Variants in PARP2 observed in about 807,000 individuals in gnomAD.
The protein encoded by PARP2 is poly [ADP-ribose] polymerase 2.
Under a neutral mutation model 77.8 loss-of-function variants are expected in PARP2, and 57 were observed. The ratio of observed to expected loss-of-function variants is 0.73; its 90% CI spans 0.59 to 0.91. The LOEUF (loss-of-function observed/expected upper bound fraction) is 0.91. Ranked by LOEUF, PARP2 falls within the 40% of genes least tolerant of loss-of-function variation. The pLI, the probability that PARP2 is intolerant of heterozygous loss-of-function variation, is 0.00. For synonymous variants in PARP2, 226 were observed against 242.6 expected, an observed-to-expected ratio of 0.93 and a Z score of 0.64; for missense variants, 651 against 689.0, an observed-to-expected ratio of 0.94 and a Z score of 0.62.
chr14:20,356,640 G>A lies in PARP2; in HGVS notation c.1280G>A (p.Ser427Asn), dbSNP rs749968626. Residue 427 changes from serine to asparagine, a missense_variant, in exon 13 of 16, where the codon AGC (serine) becomes AAC (asparagine). Transcript: ENST00000429687. ...ATGAGTAACTGGGTGGGAATCTTGAGCCATGGGCTTCGAATTGCCCCACCT... is the reference window on the plus strand; with the variant it reads ...ATGAGTAACTGGGTGGGAATCTTGAACCATGGGCTTCGAATTGCCCCACCT... ...SRMSNWVGIL[S>N]HGLRIAPPEA... 1 of 1,614,152 alleles carries A rather than the reference G, an allele frequency of 6.2e-7. No homozygotes were observed. The highest frequency in any genetic ancestry group is 1.1e-5 in the South Asian group (1 of 91,086).
rs772828098 is a variant in PARP2 at position 20,357,859 on chromosome 14, T to C, written c.*62T>C. 14 of 1,433,316 alleles carry C rather than the reference T, an allele frequency of 9.8e-6. No homozygotes were observed. The highest frequency in any genetic ancestry group is 1.4e-5 in the Non-Finnish European group (14 of 1,036,884). The allele number at this position is 1,433,316 out of a possible 1,614,324, so 88.8% of individuals were successfully genotyped here. ...AGCAAGAAAATAAGCAGTGTTGTAC[T>C]TGTGAATTTTGTGATATTTTATGTA... is the stretch of plus-strand genomic sequence containing the variant. On this transcript the variant is annotated 3_prime_UTR_variant, in exon 16 of 16. Coordinates refer to ENST00000429687, the MANE Select transcript of PARP2 (RefSeq NM_001042618.2).
At chr14:20,346,013 A>G (rs931486175) in intron 3 of PARP2, among the ~76,000 whole-genome samples, 9 of 152,218 alleles carry the variant, frequency 5.9e-5, no homozygotes, top group Admixed American at 2.0e-4. Context: ...TAAACCATTC[A>G]TGAGAAATCC....
Position 20,355,794 on chromosome 14 carries a change from A to G in PARP2, c.945A>G (p.Ser315=), listed in dbSNP as rs763913279. ...PPLIRTQKEL[S]EKIQLLEALG... is the part of the protein sequence containing the mutation. ...TAATCCGGACACAGAAGGAACTGTC[A>G]GAAAAAATACAATTACTAGAGGTGA... Residue 315 remains serine, a synonymous_variant, in exon 10 of 16, where the codon TCA becomes TCG. Transcript: ENST00000429687. The G allele has an allele frequency of 1.2e-6, 2 of 1,613,930 alleles. No individual in the cohort carries two copies. The highest frequency in any genetic ancestry group is 1.7e-6 in the Non-Finnish European group (2 of 1,179,762).
At chr14:20,351,844 G>A (rs374378458) in intron 6 of PARP2, among the ~76,000 whole-genome samples, 12 of 150,324 alleles carry the variant, frequency 8.0e-5, no homozygotes, top group Admixed American at 2.0e-4. Flanking sequence ...CGAGACCCCT[G>A]ACTCTCCCCC....
At chr14:20,351,531 G>A (rs886479180) in intron 6 of PARP2, among the ~76,000 whole-genome samples, 4 of 152,266 alleles carry the variant, frequency 2.6e-5, no homozygotes, top group Admixed American at 2.6e-4. Flanking sequence ...CGTTTTATAG[G>A]TGTGATTTGG....
intron 3 of PARP2, among the ~76,000 whole-genome samples, chr14:20,346,022 C>G (rs1883706777): frequency 6.6e-6 from 1 of 152,166 alleles, no homozygotes; most frequent in African/African-American, 2.4e-5. Flanking sequence ...CATGAGAAAT[C>G]CACTTCCATG....
chr14:20,347,356 G>GTATATATATATA (rs774986716), intron 4 of PARP2, among the ~76,000 whole-genome samples: 7 of 29,568 alleles, frequency 2.4e-4, no homozygotes, highest in Admixed American at 6.5e-4. Flanking sequence ...ATGTGTGTGT[G>GTATATATATATA]TATATATATA....
Position 20,355,990 on chromosome 14 carries a change from T to G in PARP2, c.1060T>G (p.Cys354Gly). ...PLDQHYRNLHCALRPLDHESY... is the reference protein window; with the variant it reads ...PLDQHYRNLHGALRPLDHESY... Reference sequence around the variant, plus strand: ...GGACCAACACTATAGAAACCTACATTGTGCCTTGCGCCCCCTTGACCATGA... The same window carrying G: ...GGACCAACACTATAGAAACCTACATGGTGCCTTGCGCCCCCTTGACCATGA... Residue 354 changes from cysteine (C) to glycine (G), a missense_variant, in exon 11 of 16, where the codon TGT (cysteine) becomes GGT (glycine). Coordinates refer to ENST00000429687, the MANE Select transcript of PARP2 (RefSeq NM_001042618.2). The G allele has an allele frequency of 6.2e-7, 1 of 1,614,120 alleles. No homozygotes were observed. The highest frequency in any genetic ancestry group is 8.5e-7 in the Non-Finnish European group (1 of 1,179,972).
At chr14:20,357,342 G>A (rs1884195065) in intron 14 of PARP2, 54 bp from the exon 15 acceptor site, 1 of 1,564,420 alleles carries the variant, frequency 6.4e-7, no homozygotes, top group South Asian at 1.2e-5. Context: ...TTTGGCTTTG[G>A]AGCCATCTAA....
intron 7 of PARP2, among the ~76,000 whole-genome samples, chr14:20,353,482 A>G (rs1884034250): frequency 6.6e-6 from 1 of 151,924 alleles, no homozygotes; most frequent in South Asian, 2.1e-4. Flanking sequence ...TGACATCATG[A>G]TCCGCCCGTC....
chr14:20,354,676 A>G (rs746153204), intron 8 of PARP2, 133 bp from the exon 9 acceptor site: 1 of 851,324 alleles, frequency 1.2e-6, no homozygotes, highest in South Asian at 1.7e-5. Flanking sequence ...CCTGGGCAAC[A>G]GGAGTGAGAC....
chr14:20,352,557 TC>T, intron 7 of PARP2: 1 of 345,026 alleles, frequency 2.9e-6, no homozygotes, highest in Non-Finnish European at 5.0e-6. Flanking sequence ...TGATTTTTTT[TC>T]TTTTTTTTTT....
At chr14:20,356,246 C>T in intron 11 of PARP2, 61 bp from the exon 12 acceptor site, 1 of 1,579,318 alleles carries the variant, frequency 6.3e-7, no homozygotes, top group Admixed American at 1.8e-5. Context: ...TCCCCAAATT[C>T]TTCAGTTCAG....
In PARP2 at chr14:20,345,429, C is replaced by T; in HGVS notation, c.238C>T (p.Pro80Ser). 6.2e-7 allele frequency: 1 copy of T among 1,614,000 alleles called. No homozygotes were observed. The highest frequency in any genetic ancestry group is 8.5e-7 in the Non-Finnish European group (1 of 1,179,910). Residue 80 changes from proline to serine, a missense_variant, in exon 3 of 16, where the codon CCT becomes TCT. Pro to Ser is a moderately conservative substitution (Grantham distance 74). Transcript: ENST00000429687. ...VKALLLKGKA[P>S]VDPECTAKVG... The stretch of plus-strand genomic sequence containing the variant: ...GGCCTTGCTGTTAAAGGGCAAAGCT[C>T]CTGTGGACCCAGAGTGTACAGCCAA...
intron 1 of PARP2, 146 bp downstream of exon 1, chr14:20,343,833 T>A: frequency 1.2e-6 from 1 of 845,430 alleles, no homozygotes; most frequent in Non-Finnish European, 1.8e-6. Context: ...ATTTTGTAAA[T>A]TTCGGTTTTC....
intron 4 of PARP2, among the ~76,000 whole-genome samples, chr14:20,349,826 C>T (rs1454458721): frequency 6.6e-6 from 1 of 152,100 alleles, no homozygotes; most frequent in Non-Finnish European, 1.5e-5. Flanking sequence ...AAAAGAATGC[C>T]TCCATATCCA....
chr14:20,343,719 G>T, intron 1 of PARP2, 32 bp downstream of exon 1: 3 of 1,603,386 alleles, frequency 1.9e-6, no homozygotes, highest in Non-Finnish European at 8.5e-7. Context: ...GACGGCATGC[G>T]GGGGGCGGGC....
chr14:20,346,248 G>A (rs1219164882), intron 3 of PARP2, among the ~76,000 whole-genome samples: 2 of 151,378 alleles, frequency 1.3e-5, no homozygotes, highest in African/African-American at 2.4e-5. Context: ...ACCCTGGAAT[G>A]GCATGAGTTA....
At chr14:20,345,159 T>A (rs761722092) in intron 2 of PARP2, 72 bp downstream of exon 2, 3 of 1,522,856 alleles carry the variant, frequency 2.0e-6, no homozygotes, top group Non-Finnish European at 1.8e-6. Context: ...TATCTTGTTA[T>A]TTCAACTCCT....
Sources: allele counts gnomAD v4.1 joint callset (sites outside exome capture counted in the v4.1 genomes callset), GRCh38; gene constraint gnomAD v4.1.1; transcripts MANE v1.5; gene names NCBI Gene and HGNC (gene_info 2026-07-23, HGNC 2026-07-21).